Variants in GRIA1 observed in about 807,000 individuals in gnomAD.
GRIA1 encodes glutamate receptor 1.
In GRIA1, 31 loss-of-function variants were observed where a neutral mutation model predicts 99.2. That is an observed-to-expected ratio of 0.31 (90% confidence interval 0.23 to 0.42). The LOEUF (loss-of-function observed/expected upper bound fraction) is 0.42, where lower values mean the gene tolerates loss of function less well. GRIA1 is among the 10% of genes least tolerant of loss of function. The pLI, the probability that GRIA1 is intolerant of heterozygous loss-of-function variation, is 1.00. For synonymous variants in GRIA1, 438 were observed against 432.4 expected (o/e 1.01, Z -0.16); for missense variants, 782 against 1,157.5 (o/e 0.68, Z 4.71).
At chr5:153,529,462 C>T (rs1413875691) in intron 2 of GRIA1, among the ~76,000 whole-genome samples, 5 of 152,308 alleles carry the variant, frequency 3.3e-5, no homozygotes, top group Non-Finnish European at 4.4e-5. Flanking sequence ...GTCTCAAATA[C>T]TTGGTCAAAA....
At chr5:153,608,293 CT>C (rs1765632301) in intron 2 of GRIA1, among the ~76,000 whole-genome samples, 1 of 152,070 alleles carries the variant, frequency 6.6e-6, no homozygotes, top group South Asian at 2.1e-4. Flanking sequence ...GTCTTGATGT[CT>C]TTTGTCAGGT....
intron 13 of GRIA1, among the ~76,000 whole-genome samples, chr5:153,793,096 C>T (rs1314244276): frequency 6.6e-6 from 1 of 152,132 alleles, no homozygotes; most frequent in African/African-American, 2.4e-5. Flanking sequence ...AAAAGTGTTT[C>T]CCAGGGAGGG....
chr5:153,698,776 A>G (rs901250056), intron 9 of GRIA1, 91 bp from the exon 10 acceptor site: 51 of 824,912 alleles, frequency 6.2e-5, no homozygotes, highest in Admixed American at 8.8e-5. Context: ...CCCAGTGTTA[A>G]CCAAACATGA....
At chr5:153,787,103 G>A (rs1765013637) in intron 13 of GRIA1, among the ~76,000 whole-genome samples, 1 of 152,160 alleles carries the variant, frequency 6.6e-6, no homozygotes, top group Non-Finnish European at 1.5e-5. Flanking sequence ...AAAACCATCT[G>A]AAATATCTCC....
chr5:153,572,354 G>C (rs996180695), intron 2 of GRIA1, among the ~76,000 whole-genome samples: 1 of 152,170 alleles, frequency 6.6e-6, no homozygotes. Flanking sequence ...CATCAAGAAA[G>C]GTGTTGTGGC....
intron 2 of GRIA1, 154 bp downstream of exon 2, chr5:153,494,219 G>A: frequency 1.4e-6 from 1 of 704,556 alleles, no homozygotes; most frequent in Non-Finnish European, 2.3e-6. Context: ...AGGCTTCTGA[G>A]TGATTCCAGC....
In GRIA1 at chr5:153,770,330, C is replaced by T. The variant is rs775474938; in HGVS notation, c.2185C>T (p.Arg729Trp). The T allele has an allele frequency of 1.9e-6, 3 of 1,613,758 alleles. No homozygotes were observed. The highest frequency in any genetic ancestry group is 1.3e-5 in the African/African-American group (1 of 74,892). ...CACCATGAATGAGTACATTGAGCAG[C>T]GGAAACCCTGTGACACCATGAAGGT... ...ESTMNEYIEQ[R>W]KPCDTMKVGG... is the part of the protein sequence containing the mutation. The change falls in exon 13 of 16, where the codon CGG becomes TGG. Residue 729 changes from arginine to tryptophan, a missense_variant. Coordinates refer to ENST00000285900, the MANE Select transcript of GRIA1 (RefSeq NM_000827.4).
chr5:153,508,918 A>G (rs951632877), intron 2 of GRIA1, among the ~76,000 whole-genome samples: 2 of 152,158 alleles, frequency 1.3e-5, no homozygotes, highest in Admixed American at 1.3e-4. Context: ...TTGTTTGGGT[A>G]TTGAGGGTCA....
chr5:153,744,914 G>A (rs377023847), intron 11 of GRIA1, among the ~76,000 whole-genome samples: 18 of 152,296 alleles, frequency 1.2e-4, no homozygotes, highest in South Asian at 4.1e-4. Flanking sequence ...AGAGGTGAGC[G>A]TAGGAAGCAG....
chr5:153,564,343 C>T (rs887507113), intron 2 of GRIA1, among the ~76,000 whole-genome samples: 7 of 152,234 alleles, frequency 4.6e-5, no homozygotes, highest in African/African-American at 1.7e-4. Flanking sequence ...TCTGTGTCTG[C>T]CATCACAGCA....
At chr5:153,780,865 C>T (rs189347319) in intron 13 of GRIA1, among the ~76,000 whole-genome samples, 6 of 152,250 alleles carry the variant, frequency 3.9e-5, no homozygotes, top group Admixed American at 3.9e-4. Context: ...CACCACACTA[C>T]GATTGTTAAC....
rs533526873 is a variant in GRIA1 at position 153,745,264 on chromosome 5, G to A, written c.1824-19170G>A. Among the ~76,000 whole-genome samples the A allele has an allele frequency of 1.4e-4, 21 of 150,464 alleles. No homozygotes were observed. In the South Asian group the frequency reaches 4.3e-3, roughly 31 times the overall value. ...GTCCCTTCCTTCTCTCTTCCTGACT[G>A]TATGCCTCCCATCAAGTTAGAAATT... On this transcript the variant is annotated intron_variant, in intron 11 of 15. Transcript: ENST00000285900.
At chr5:153,581,353 G>A (rs1763027451) in intron 2 of GRIA1, among the ~76,000 whole-genome samples, 2 of 152,184 alleles carry the variant, frequency 1.3e-5, no homozygotes, top group African/African-American at 4.8e-5. Flanking sequence ...ACACAAGCTG[G>A]ATGGTAGCCT....
intron 10 of GRIA1, among the ~76,000 whole-genome samples, chr5:153,702,448 G>A (rs1170070212): frequency 6.6e-6 from 1 of 152,222 alleles, no homozygotes; most frequent in Non-Finnish European, 1.5e-5. Flanking sequence ...CTGTGATGGG[G>A]AATATTCATT....
intron 2 of GRIA1, among the ~76,000 whole-genome samples, chr5:153,603,234 C>T (rs576641626): frequency 9.6e-4 from 146 of 151,910 alleles, no homozygotes; most frequent in African/African-American, 3.4e-3. Context: ...CATCCATGTC[C>T]CTACAAAGGA....
chr5:153,546,484 T>G (rs1759630033), intron 2 of GRIA1, among the ~76,000 whole-genome samples: 1 of 152,230 alleles, frequency 6.6e-6, no homozygotes, highest in African/African-American at 2.4e-5. Context: ...TGATAATTTA[T>G]GCTTATTATA....
At chr5:153,561,937 A>G (rs1183632769) in intron 2 of GRIA1, among the ~76,000 whole-genome samples, 1 of 152,242 alleles carries the variant, frequency 6.6e-6, no homozygotes, top group Admixed American at 6.5e-5. Context: ...GGGGATTCCA[A>G]TAGAAGAAAC....
chr5:153,551,752 C>T (rs1025508525), intron 2 of GRIA1, among the ~76,000 whole-genome samples: 9 of 152,182 alleles, frequency 5.9e-5, no homozygotes, highest in African/African-American at 1.9e-4. Flanking sequence ...CCCTGAACCC[C>T]TGCTTTCATG....
chr5:153,578,117 C>A (rs1445196095), intron 2 of GRIA1, among the ~76,000 whole-genome samples: 1 of 137,582 alleles, frequency 7.3e-6, no homozygotes, highest in Non-Finnish European at 1.5e-5. Flanking sequence ...CACCATTGCG[C>A]CCCAGCCTGA....
Sources: allele counts gnomAD v4.1 joint callset (sites outside exome capture counted in the v4.1 genomes callset), GRCh38; gene constraint gnomAD v4.1.1; transcripts MANE v1.5; gene names NCBI Gene and HGNC (gene_info 2026-07-23, HGNC 2026-07-21).